GRIA2: variants seen among roughly 807,000 people sequenced by gnomAD.
The protein encoded by GRIA2 is glutamate ionotropic receptor AMPA type subunit 2.
Under a neutral mutation model 97.3 loss-of-function variants are expected in GRIA2, and 14 were observed. That is an observed-to-expected ratio of 0.14 (90% CI 0.10 to 0.23). The LOEUF (loss-of-function observed/expected upper bound fraction) is 0.23. GRIA2 is among the 10% of genes least tolerant of loss of function. GRIA2 has a pLI of 1.00. For missense variants in GRIA2, 558 were observed against 1,069.8 expected (o/e 0.52, Z 6.67); for synonymous variants, 412 against 387.8 (o/e 1.06, Z -0.73).
intron 2 of GRIA2, among the ~76,000 whole-genome samples, chr4:157,302,238 C>A (rs903582093): frequency 6.6e-6 from 1 of 151,268 alleles, no homozygotes; most frequent in East Asian, 1.9e-4. Context: ...CACTGTTCTG[C>A]GGATCGTCAG....
intron 5 of GRIA2, among the ~76,000 whole-genome samples, chr4:157,320,148 G>A (rs976354234): frequency 6.6e-6 from 1 of 151,966 alleles, no homozygotes; most frequent in Non-Finnish European, 1.5e-5. Flanking sequence ...CTCTAGCATT[G>A]AAAAAATGGG....
At chr4:157,243,424 C>A (rs945464378) in intron 2 of GRIA2, among the ~76,000 whole-genome samples, 6 of 152,050 alleles carry the variant, frequency 3.9e-5, no homozygotes, top group African/African-American at 1.4e-4. Flanking sequence ...CTGAGTCTGA[C>A]TTTAAACTCT....
intron 12 of GRIA2, among the ~76,000 whole-genome samples, chr4:157,349,713 G>A (rs746590554): frequency 2.6e-5 from 4 of 152,018 alleles, no homozygotes; most frequent in Non-Finnish European, 4.4e-5. Context: ...AATTAGGATA[G>A]TTTGCTAACA....
At chr4:157,333,407 C>T in intron 8 of GRIA2, 54 bp downstream of exon 8, 1 of 818,022 alleles carries the variant, frequency 1.2e-6, no homozygotes, top group African/African-American at 1.7e-5. Context: ...AGTTAGCTAG[C>T]CTATGAGTTC....
intron 3 of GRIA2, among the ~76,000 whole-genome samples, chr4:157,305,070 A>G (rs1401283496): frequency 6.6e-6 from 1 of 152,218 alleles, no homozygotes; most frequent in Non-Finnish European, 1.5e-5. Flanking sequence ...CAGTAAATAC[A>G]GATTTCAATG....
chr4:157,327,709 T>A (rs1734866415), intron 6 of GRIA2, among the ~76,000 whole-genome samples: 1 of 152,128 alleles, frequency 6.6e-6, no homozygotes, highest in Admixed American at 6.6e-5. Context: ...TCAACAATAA[T>A]CTGTGGCTGA....
Position 157,326,620 on chromosome 4 carries a change from G to C in GRIA2, c.882+5021G>C, listed in dbSNP as rs189283683. 1.5e-3 allele frequency among the ~76,000 whole-genome samples: 223 copies of C among 152,254 alleles called. 3 individuals carry two copies. The highest frequency in any genetic ancestry group is 0.013 in the Admixed American group (204 of 15,280). On this transcript the variant is annotated intron_variant, in intron 6 of 15. Coordinates refer to ENST00000264426, the MANE Select transcript of GRIA2 (RefSeq NM_001083619.3). ...TGGAATTGGAGACCTGAAGAAGTAGGAGTTAGGAGAAAGCATAAGGAACAA... is the reference window on the plus strand; with the variant it reads ...TGGAATTGGAGACCTGAAGAAGTAGCAGTTAGGAGAAAGCATAAGGAACAA...
At chr4:157,354,203 A>G (rs1413166719) in intron 12 of GRIA2, among the ~76,000 whole-genome samples, 1 of 152,198 alleles carries the variant, frequency 6.6e-6, no homozygotes, top group Non-Finnish European at 1.5e-5. Context: ...TTTTAATTTC[A>G]TATAGGTAAT....
chr4:157,327,055 A>AGG (rs1734834886), intron 6 of GRIA2, among the ~76,000 whole-genome samples: 1 of 152,128 alleles, frequency 6.6e-6, no homozygotes, highest in Non-Finnish European at 1.5e-5. Flanking sequence ...TTTTCTCTTA[A>AGG]TTTCTTCATA....
At chr4:157,322,088 T>C (rs941282871) in intron 6 of GRIA2, among the ~76,000 whole-genome samples, 6 of 152,098 alleles carry the variant, frequency 3.9e-5, no homozygotes, top group African/African-American at 1.4e-4. Flanking sequence ...CTGTTTAGAA[T>C]ATTATGTTTG....
chr4:157,362,221 G>C (rs1233379042), intron 14 of GRIA2, among the ~76,000 whole-genome samples: 1 of 152,128 alleles, frequency 6.6e-6, no homozygotes, highest in East Asian at 1.9e-4. Context: ...CCTACTTGGA[G>C]AGTGAGAATG....
At chr4:157,279,505 T>C (rs1296176789) in intron 2 of GRIA2, among the ~76,000 whole-genome samples, 5 of 152,146 alleles carry the variant, frequency 3.3e-5, no homozygotes, top group Non-Finnish European at 7.4e-5. Context: ...TATGTTTCAA[T>C]GTAGATTCAT....
intron 2 of GRIA2, among the ~76,000 whole-genome samples, chr4:157,297,446 C>T (rs1733399205): frequency 6.6e-6 from 1 of 152,066 alleles, no homozygotes. Context: ...ATGAGAGACT[C>T]ATAGGGCCAA....
intron 3 of GRIA2, among the ~76,000 whole-genome samples, chr4:157,307,552 A>T (rs188873297): frequency 6.6e-6 from 1 of 152,284 alleles, no homozygotes; most frequent in Admixed American, 6.5e-5. Flanking sequence ...TCACTCCATA[A>T]AGAGAAATTC....
At chr4:157,309,349 G>GT (rs747461041) in intron 3 of GRIA2, among the ~76,000 whole-genome samples, 3,491 of 130,650 alleles carry the variant, frequency 0.027, 125 homozygotes, top group African/African-American at 0.076. Context: ...AAATTTCTTG[G>GT]TTTTTTTTTT....
chr4:157,355,765 A>ATATATATT (rs1212180149), intron 12 of GRIA2, among the ~76,000 whole-genome samples: 1 of 32,172 alleles, frequency 3.1e-5, no homozygotes, highest in Non-Finnish European at 1.1e-4. Flanking sequence ...TATATTAGTT[A>ATATATATT]TATATATTTA....
chr4:157,352,202 T>C (rs969845163), intron 12 of GRIA2, among the ~76,000 whole-genome samples: 2 of 152,182 alleles, frequency 1.3e-5, no homozygotes, highest in African/African-American at 4.8e-5. Flanking sequence ...ATCTAAACTC[T>C]ATGTTGAGGA....
intron 6 of GRIA2, 46 bp downstream of exon 6, chr4:157,321,645 G>A: frequency 7.3e-7 from 1 of 1,374,828 alleles, no homozygotes; most frequent in African/African-American, 1.4e-5. Context: ...TATGTGAGGA[G>A]AGAGAAGAGT....
chr4:157,271,879 AG>A (rs1732042075), intron 2 of GRIA2, among the ~76,000 whole-genome samples: 1 of 152,118 alleles, frequency 6.6e-6, no homozygotes, highest in African/African-American at 2.4e-5. Context: ...GTCAAGAAAC[AG>A]GGTTGAAGAC....
Sources: gnomAD v4.1 joint callset for allele counts (sites outside exome capture counted in the v4.1 genomes callset) on GRCh38, gnomAD v4.1.1 for gene constraint, MANE v1.5 for transcripts, NCBI Gene and HGNC (gene_info 2026-07-23, HGNC 2026-07-21) for gene names.